Variants in GRAMD2A observed in about 807,000 individuals in gnomAD.
The protein encoded by GRAMD2A is GRAM domain-containing protein 2A.
Under a neutral mutation model 51.1 loss-of-function variants are expected in GRAMD2A, and 37 were observed. The ratio of observed to expected loss-of-function variants is 0.72; its 90% CI spans 0.56 to 0.95. GRAMD2A has a LOEUF of 0.95. Among genes scored for constraint, GRAMD2A ranks in the 40% least tolerant of loss-of-function variants. The probability of loss-of-function intolerance (pLI) is 0.00; values close to 1 mark genes in which losing one functional copy is unlikely to be tolerated. For missense variants in GRAMD2A, 414 were observed against 426.9 expected, an observed-to-expected ratio of 0.97 and a Z score of 0.27; for synonymous variants, 136 against 157.1, an observed-to-expected ratio of 0.87 and a Z score of 1.01.
intron 1 of GRAMD2A, among the ~76,000 whole-genome samples, chr15:72,183,644 A>G (rs1445441519): frequency 1.3e-5 from 2 of 152,230 alleles, no homozygotes; most frequent in East Asian, 3.8e-4. Context: ...AGCCTGGCCA[A>G]CATGGTGAAA....
At chr15:72,179,628 A>G (rs2081682113) in intron 1 of GRAMD2A, among the ~76,000 whole-genome samples, 1 of 152,176 alleles carries the variant, frequency 6.6e-6, no homozygotes, top group Non-Finnish European at 1.5e-5. Context: ...AGAGAAAAAA[A>G]TTATCCCCTC....
chr15:72,167,782 G>C lies in GRAMD2A; in HGVS notation c.326C>G (p.Pro109Arg), dbSNP rs773830980. The C allele has an allele frequency of 4.7e-5, 76 of 1,613,998 alleles. No homozygotes were observed. The highest frequency in any genetic ancestry group is 6.0e-5 in the Non-Finnish European group (71 of 1,179,984). ...FLLQGRLYIS[P>R]NWLCFHASLF... ...GCTGGCATGGAAGCAGAGCCAGTTGGGGGAGATGTAGAGCCGGCCCTGGAG... is the reference window on the plus strand; with the variant it reads ...GCTGGCATGGAAGCAGAGCCAGTTGCGGGAGATGTAGAGCCGGCCCTGGAG... Residue 109 changes from proline (P) to arginine (R), a missense_variant, in exon 5 of 12, where the codon CCC becomes CGC. Coordinates refer to ENST00000309731, the MANE Select transcript of GRAMD2A (RefSeq NM_001012642.3).
chr15:72,165,621 C>T (rs2081534478), intron 7 of GRAMD2A, among the ~76,000 whole-genome samples: 1 of 152,176 alleles, frequency 6.6e-6, no homozygotes, highest in Non-Finnish European at 1.5e-5. Flanking sequence ...CACCTGCTGC[C>T]CCATCCCTCC....
Position 72,166,657 on chromosome 15 carries a change from A to C in GRAMD2A, c.518T>G (p.Leu173Arg), listed in dbSNP as rs2081548474. The stretch of plus-strand genomic sequence containing the variant: ...CTGTAGGTGGGTGCAGACTCTCCTC[A>C]GCAGGTCATATACACTGTCCCGGGA... ...LLSRDSVYDL[L>R]RRVCTHLQPS... is the part of the protein sequence containing the mutation. The change falls in exon 7 of 12, where the codon CTG (leucine) becomes CGG (arginine). Residue 173 changes from leucine to arginine, a missense_variant. Transcript: ENST00000309731. The surrounding 1 kb of genome is among the most constrained non-coding windows in gnomAD (Gnocchi z 4.1). The C allele has an allele frequency of 6.2e-7, 1 of 1,613,774 alleles. No homozygotes were observed.
intron 10 of GRAMD2A, 29 bp downstream of exon 10, chr15:72,163,237 C>A: frequency 6.5e-7 from 1 of 1,529,484 alleles, no homozygotes; most frequent in South Asian, 1.1e-5. Context: ...GCAGGTGGGT[C>A]TGTCCCCCTC....
In GRAMD2A at chr15:72,181,705, T is replaced by G. The variant is rs976135369; in HGVS notation, c.42-11766A>C. Among the ~76,000 whole-genome samples the G allele has an allele frequency of 2.0e-5, 3 of 152,248 alleles. No homozygotes were observed. In the East Asian group the frequency reaches 5.8e-4, roughly 29 times the overall value. On this transcript the variant is annotated intron_variant, in intron 1 of 11. Transcript: ENST00000309731. ...AAGCGAGTAGGATAGTGGGCTCTTT[T>G]GCTGAGACTAAATGAGGTAAAAATG...
At chr15:72,185,281 C>T (rs1268232343) in intron 1 of GRAMD2A, among the ~76,000 whole-genome samples, 1 of 151,174 alleles carries the variant, frequency 6.6e-6, no homozygotes, top group African/African-American at 2.4e-5. Flanking sequence ...GCAACCTCTA[C>T]CTCCCAGGTT....
chr15:72,190,533 G>A (rs1178406243), intron 1 of GRAMD2A, among the ~76,000 whole-genome samples: 1 of 152,184 alleles, frequency 6.6e-6, no homozygotes, highest in African/African-American at 2.4e-5. Flanking sequence ...ACAACTCTCT[G>A]TTCTCTTGTG....
rs1482803437 is a variant in GRAMD2A, at chr15:72,161,190, C to CA, written c.*818dup. 6.6e-6 allele frequency: 1 copy of CA among 152,296 alleles called. No individual in the cohort carries two copies. The highest frequency in any genetic ancestry group is 2.4e-5 in the African/African-American group (1 of 41,452). The allele number at this position is 152,296 out of a possible 1,614,324, so 9.4% of individuals were successfully genotyped here. A position where few individuals can be genotyped will look rare whatever the true frequency, so the allele number is the denominator to read the frequency against. ...GACACCTTAGAAATGTTTGAGCACA[C>CA]AAGGGCAAAACCCAGTACCAGGTCT... On this transcript the variant is annotated 3_prime_UTR_variant, in exon 12 of 12. Coordinates refer to ENST00000309731, the MANE Select transcript of GRAMD2A (RefSeq NM_001012642.3).
chr15:72,184,876 C>T (rs1317919281), intron 1 of GRAMD2A, among the ~76,000 whole-genome samples: 1 of 152,180 alleles, frequency 6.6e-6, no homozygotes, highest in Non-Finnish European at 1.5e-5. Context: ...AGATAAACTA[C>T]CTAAACAACA....
At chr15:72,187,306 T>C (rs1318129358) in intron 1 of GRAMD2A, among the ~76,000 whole-genome samples, 3 of 151,936 alleles carry the variant, frequency 2.0e-5, no homozygotes, top group Middle Eastern at 3.2e-3. Flanking sequence ...TACACTGTTT[T>C]GTTTGAACTT....
rs2081453539 is a variant in GRAMD2A, at chr15:72,159,993, C to G, written c.*2016G>C. 6.6e-6 allele frequency: 1 copy of G among 152,298 alleles called. No homozygotes were observed. The highest frequency in any genetic ancestry group is 1.9e-4 in the East Asian group (1 of 5,194). 9.4% of individuals were successfully genotyped at this position (152,298 alleles called of 1,614,324 possible). A position where few individuals can be genotyped will look rare whatever the true frequency, so the allele number is the denominator to read the frequency against. ...AGAAAGCACAGTGGCCCCAGAGGAC[C>G]AGGCAGGGGGACAACAGAGAGAAAC... On this transcript the variant is annotated 3_prime_UTR_variant, in exon 12 of 12. Coordinates refer to ENST00000309731, the MANE Select transcript of GRAMD2A (RefSeq NM_001012642.3).
At chr15:72,171,416 G>T (rs1296002744) in intron 1 of GRAMD2A, among the ~76,000 whole-genome samples, 1 of 151,964 alleles carries the variant, frequency 6.6e-6, no homozygotes, top group Non-Finnish European at 1.5e-5. Context: ...CTATGTAAAT[G>T]GTTATATAAT....
chr15:72,166,918 G>T lies in GRAMD2A; in HGVS notation c.471+76C>A. 2 of 1,195,210 alleles carry T rather than the reference G, an allele frequency of 1.7e-6. No homozygotes were observed. Among genetic ancestry groups the T allele is most frequent in the Non-Finnish European group, 2.5e-6 (2 of 800,380 alleles). 74.0% of individuals were successfully genotyped at this position (1,195,210 alleles called of 1,614,324 possible). On this transcript the variant is annotated intron_variant, in intron 6 of 11. Transcript: ENST00000309731. This position sits in a 1 kb window ranked among gnomAD's most constrained non-coding sequence, Gnocchi z 4.1. ...TGGGGTGAAATAAAGACCTGGGAAT[G>T]TGCCCGAGTCAGACTGTGGGCTGTC...
intron 1 of GRAMD2A, among the ~76,000 whole-genome samples, chr15:72,194,818 G>C (rs2081793268): frequency 6.6e-6 from 1 of 152,018 alleles, no homozygotes; most frequent in Admixed American, 6.6e-5. Context: ...CTCCCAGGTA[G>C]CTGGGATTAC....
chr15:72,164,622 C>G (rs1443155255), intron 8 of GRAMD2A, among the ~76,000 whole-genome samples: 2 of 152,096 alleles, frequency 1.3e-5, no homozygotes, highest in South Asian at 2.1e-4. Context: ...CCAGGCCAAT[C>G]TCGAACTCCC....
chr15:72,182,396 G>C (rs2081703729), intron 1 of GRAMD2A, among the ~76,000 whole-genome samples: 3 of 143,260 alleles, frequency 2.1e-5, no homozygotes, highest in Non-Finnish European at 4.6e-5. Context: ...CCCAAAATTT[G>C]CTAAAACTAT....
At chr15:72,179,141 G>A (rs1463307056) in intron 1 of GRAMD2A, among the ~76,000 whole-genome samples, 1 of 152,178 alleles carries the variant, frequency 6.6e-6, no homozygotes, top group Non-Finnish European at 1.5e-5. Context: ...GGCCGGGAAC[G>A]GGCTTGCTCT....
rs981865505 is a variant in GRAMD2A, at chr15:72,160,234, ATC to A, written c.*1773_*1774del. On this transcript the variant is annotated 3_prime_UTR_variant, in exon 12 of 12. Coordinates refer to ENST00000309731, the MANE Select transcript of GRAMD2A (RefSeq NM_001012642.3). Reference sequence around the variant, plus strand: ...AGCAAGGCTCAGAGAATGGATTTTTATCTCTGTCTTTCAGCAAGGACCAGGGA... The same window carrying A: ...AGCAAGGCTCAGAGAATGGATTTTTATCTGTCTTTCAGCAAGGACCAGGGA... 4 of 150,968 alleles carry A rather than the reference ATC, an allele frequency of 2.6e-5. No individual in the cohort carries two copies. Among genetic ancestry groups the A allele is most frequent in the African/African-American group, 7.3e-5 (3 of 41,048 alleles). The allele number at this position is 150,968 out of a possible 1,614,324, so 9.4% of individuals were successfully genotyped here. A position where few individuals can be genotyped will look rare whatever the true frequency, so the allele number is the denominator to read the frequency against.
Sources: gnomAD v4.1 joint callset for allele counts (sites outside exome capture counted in the v4.1 genomes callset) on GRCh38, gnomAD v4.1.1 for gene constraint, Gnocchi (gnomAD v3.1) non-coding constraint, MANE v1.5 for transcripts, NCBI Gene and HGNC (gene_info 2026-07-23, HGNC 2026-07-21) for gene names.